Variants in TECRL observed in about 807,000 individuals in gnomAD.
The protein encoded by TECRL is trans-2,3-enoyl-CoA reductase-like.
Under a neutral mutation model 52.8 loss-of-function variants are expected in TECRL, and 63 were observed. The ratio of observed to expected loss-of-function variants is 1.19; its 90% confidence interval spans 0.97 to 1.47. TECRL has a LOEUF of 1.47. Among genes scored for constraint, TECRL ranks in the 40% most tolerant of loss-of-function variants. The pLI, the probability that TECRL is intolerant of heterozygous loss-of-function variation, is 0.00. For synonymous variants in TECRL, 164 were observed against 141.9 expected (o/e 1.16, Z -1.10); for missense variants, 482 against 429.6 (o/e 1.12, Z -1.08).
At chr4:64,280,863 A>G (rs920950805) in intron 11 of TECRL, among the ~76,000 whole-genome samples, 178 bp downstream of exon 11, 1 of 152,164 alleles carries the variant, frequency 6.6e-6, no homozygotes, top group African/African-American at 2.4e-5. Flanking sequence ...TTATACAGAG[A>G]CAAAGAGCAA....
At chr4:64,322,578 C>A in intron 4 of TECRL, 111 bp downstream of exon 4, 1 of 615,718 alleles carries the variant, frequency 1.6e-6, no homozygotes, top group Non-Finnish European at 2.4e-6. Flanking sequence ...TTAAAAATAC[C>A]TTTCACTACA....
At chr4:64,406,165 C>CGTGT (rs1553923396) in intron 1 of TECRL, among the ~76,000 whole-genome samples, 1 of 146,082 alleles carries the variant, frequency 6.8e-6, no homozygotes, top group African/African-American at 2.6e-5. Context: ...CGCGCGCGCG[C>CGTGT]GTGTGTGTGT....
chr4:64,382,765 T>C (rs1007599995), intron 1 of TECRL, among the ~76,000 whole-genome samples: 1 of 152,128 alleles, frequency 6.6e-6, no homozygotes, highest in African/African-American at 2.4e-5. Context: ...TATTCTATTA[T>C]TTTGTATGTC....
At position 64,305,385 on chromosome 4, in the gene TECRL, G is replaced by C. The variant is rs1435773957; in HGVS notation, c.658-147C>G. 4.6e-6 allele frequency: 3 copies of C among 656,354 alleles called. No individual in the cohort carries two copies. In the African/African-American group the frequency reaches 5.5e-5, roughly 12 times the overall value. The allele number at this position is 656,354 out of a possible 1,614,324, so 40.7% of individuals were successfully genotyped here. On this transcript the variant is annotated intron_variant, in intron 6 of 11. Coordinates refer to ENST00000381210, the MANE Select transcript of TECRL (RefSeq NM_001010874.5). Reference sequence around the variant, plus strand: ...ACACTGCAGCATTTATATGTAAAATGGTACAAATTGTCTAAGCTAAATAAA... The same window carrying C: ...ACACTGCAGCATTTATATGTAAAATCGTACAAATTGTCTAAGCTAAATAAA...
intron 2 of TECRL, among the ~76,000 whole-genome samples, chr4:64,344,103 A>C (rs570344481): frequency 1.3e-5 from 2 of 152,188 alleles, no homozygotes; most frequent in African/African-American, 4.8e-5. Flanking sequence ...TTTGTTTTTC[A>C]ATTGTCAGCA....
intron 1 of TECRL, among the ~76,000 whole-genome samples, chr4:64,407,870 A>G (rs998165068): frequency 6.6e-6 from 1 of 150,786 alleles, no homozygotes; most frequent in African/African-American, 2.4e-5. Context: ...TCAAAACTTC[A>G]CCTTGATACT....
At chr4:64,342,433 A>ATGTG (rs144001005) in intron 2 of TECRL, among the ~76,000 whole-genome samples, 137,897 of 150,082 alleles carry the variant, frequency 0.92, 63,676 homozygotes, top group East Asian at 0.99. Flanking sequence ...ATATATATAT[A>ATGTG]TGTGTGTGTG....
intron 1 of TECRL, among the ~76,000 whole-genome samples, chr4:64,375,685 C>T (rs1722350654): frequency 6.6e-6 from 1 of 151,774 alleles, no homozygotes; most frequent in Non-Finnish European, 1.5e-5. Context: ...CTTAAGTCCC[C>T]TACTGACATT....
At chr4:64,340,132 G>T (rs1329305255) in intron 2 of TECRL, among the ~76,000 whole-genome samples, 1 of 152,196 alleles carries the variant, frequency 6.6e-6, no homozygotes, top group Admixed American at 6.5e-5. Context: ...GCAGTAGGGA[G>T]GTGAAGCCAG....
At chr4:64,343,492 A>G (rs567985287) in intron 2 of TECRL, among the ~76,000 whole-genome samples, 61 of 152,160 alleles carry the variant, frequency 4.0e-4, no homozygotes, top group Admixed American at 2.4e-3. Context: ...GCTCAACAGG[A>G]AAGAAATCAA....
intron 2 of TECRL, among the ~76,000 whole-genome samples, chr4:64,355,771 G>C (rs1720725097): frequency 7.6e-6 from 1 of 131,056 alleles, no homozygotes; most frequent in Non-Finnish European, 1.6e-5. Context: ...CTCCAGCCTG[G>C]GCAACAGAGT....
At chr4:64,390,368 A>G (rs779146142) in intron 1 of TECRL, among the ~76,000 whole-genome samples, 30 of 151,928 alleles carry the variant, frequency 2.0e-4, no homozygotes, top group Non-Finnish European at 3.1e-4. Flanking sequence ...AAAGTGGAGC[A>G]TGATCATGTA....
intron 5 of TECRL, 42 bp downstream of exon 5, chr4:64,314,593 GTGTGTGTGTGTGT>G (rs1560492145): frequency 0.013 from 3,399 of 264,602 alleles, 66 homozygotes; most frequent in South Asian, 0.026. Context: ...CGTGTATGGT[GTGTGTGTGTGTGT>G]GTGTGTGTGT....
At chr4:64,299,848 T>C (rs1723906790) in intron 8 of TECRL, 126 bp downstream of exon 8, 8 of 343,796 alleles carry the variant, frequency 2.3e-5, no homozygotes, top group Non-Finnish European at 3.7e-5. Flanking sequence ...CTTCATTTTA[T>C]ATCATTATGT....
intron 1 of TECRL, among the ~76,000 whole-genome samples, chr4:64,406,957 AT>A (rs1185682028): frequency 7.9e-5 from 12 of 152,006 alleles, no homozygotes; most frequent in Non-Finnish European, 1.6e-4. Context: ...AATAATAATA[AT>A]AAATAAATCA....
chr4:64,314,912 C>A, intron 4 of TECRL, 149 bp from the exon 5 acceptor site: 1 of 642,462 alleles, frequency 1.6e-6, no homozygotes, highest in Non-Finnish European at 2.8e-6. Flanking sequence ...TAACGACTTC[C>A]TTGGAAGAAC....
intron 1 of TECRL, among the ~76,000 whole-genome samples, chr4:64,380,644 T>G (rs1388475934): frequency 6.6e-6 from 1 of 152,078 alleles, no homozygotes; most frequent in East Asian, 1.9e-4. Context: ...TTTAGCATCA[T>G]TTATTAAAGA....
chr4:64,347,573 G>A (rs1456735736), intron 2 of TECRL, among the ~76,000 whole-genome samples: 1 of 152,124 alleles, frequency 6.6e-6, no homozygotes, highest in Non-Finnish European at 1.5e-5. Flanking sequence ...TACAATCATG[G>A]TGCAAGGCAA....
chr4:64,384,778 C>G (rs1405673019), intron 1 of TECRL, among the ~76,000 whole-genome samples: 1 of 152,096 alleles, frequency 6.6e-6, no homozygotes, highest in Non-Finnish European at 1.5e-5. Context: ...CATGAATAGG[C>G]CAGTCCCTAG....
Sources: allele counts gnomAD v4.1 joint callset (sites outside exome capture counted in the v4.1 genomes callset), GRCh38; gene constraint gnomAD v4.1.1; transcripts MANE v1.5; gene names NCBI Gene and HGNC (gene_info 2026-07-23, HGNC 2026-07-21).